The following MATCAP2 variants were observed in gnomAD, a reference collection of about 807,000 sequenced individuals.
The protein encoded by MATCAP2 is microtubule associated tyrosine carboxypeptidase 2, also known as putative tyrosine carboxypeptidase MATCAP2.
At chr7:36,347,691 CA>C in the MATCAP2 span, among the ~76,000 whole-genome samples, 1 of 152,194 alleles carries the variant, frequency 6.6e-6, no homozygotes, top group African/African-American at 2.4e-5. Context: ...TAAGTTTTAA[CA>C]GAAGATCACT....
At chr7:36,343,741 A>T in the MATCAP2 span, among the ~76,000 whole-genome samples, 1 of 151,950 alleles carries the variant, frequency 6.6e-6, no homozygotes, top group South Asian at 2.1e-4. Context: ...AAAGAAGTAT[A>T]AAAAATTATC....
At chr7:36,370,303 G>A in the MATCAP2 span, among the ~76,000 whole-genome samples, 241 of 152,212 alleles carry the variant, frequency 1.6e-3, 1 homozygote, top group Non-Finnish European at 2.5e-3. Flanking sequence ...ATATCCACAA[G>A]AACAATGAAC....
chr7:36,337,117 A>AAAAAAAAAAAAAAAAAAAAAAAAAAC, the MATCAP2 span, among the ~76,000 whole-genome samples: 3 of 146,776 alleles, frequency 2.0e-5, no homozygotes, highest in African/African-American at 2.5e-5. Flanking sequence ...AAAAAAAAAA[A>AAAAAAAAAAAAAAAAAAAAAAAAAAC]AAAAAAAAGC....
the MATCAP2 span, among the ~76,000 whole-genome samples, chr7:36,353,787 TTTATTC>T: frequency 2.6e-5 from 4 of 152,152 alleles, no homozygotes; most frequent in African/African-American, 4.8e-5. Flanking sequence ...AGCCTCCTTG[TTTATTC>T]TTAAAGTATC....
chr7:36,337,441 G>T, the MATCAP2 span, among the ~76,000 whole-genome samples: 1 of 151,976 alleles, frequency 6.6e-6, no homozygotes, highest in East Asian at 1.9e-4. Flanking sequence ...AGGCCTTTTG[G>T]GAAAAAAAGC....
At chr7:36,327,618 A>G in the MATCAP2 span, among the ~76,000 whole-genome samples, 1 of 152,358 alleles carries the variant, frequency 6.6e-6, no homozygotes, top group South Asian at 2.1e-4. Flanking sequence ...ATGACATATT[A>G]TTAAATTAGA....
the MATCAP2 span, among the ~76,000 whole-genome samples, chr7:36,378,003 T>C: frequency 6.6e-6 from 1 of 152,206 alleles, no homozygotes; most frequent in Non-Finnish European, 1.5e-5. Flanking sequence ...GCCATTCGTC[T>C]AATGTTTTTT....
At chr7:36,341,083 C>A in the MATCAP2 span, among the ~76,000 whole-genome samples, 7 of 152,044 alleles carry the variant, frequency 4.6e-5, no homozygotes, top group African/African-American at 1.7e-4. Context: ...GTGCTATGAT[C>A]AGAAGTAAAA....
chr7:36,364,097 T>C, the MATCAP2 span, among the ~76,000 whole-genome samples: 1 of 151,500 alleles, frequency 6.6e-6, no homozygotes, highest in East Asian at 1.9e-4. Flanking sequence ...TCTTCTTTTT[T>C]TTTTTTTTGT....
At chr7:36,327,293 C>T in the MATCAP2 span, among the ~76,000 whole-genome samples, 2 of 152,110 alleles carry the variant, frequency 1.3e-5, no homozygotes, top group African/African-American at 4.8e-5. Flanking sequence ...CGCCCGCCAC[C>T]ACACCTGGCT....
the MATCAP2 span, among the ~76,000 whole-genome samples, chr7:36,337,256 T>C: frequency 6.6e-6 from 1 of 152,108 alleles, no homozygotes; most frequent in Non-Finnish European, 1.5e-5. Context: ...TCATTCTTCA[T>C]AAATTTTTGC....
At chr7:36,388,252 T>C in the MATCAP2 span, among the ~76,000 whole-genome samples, 1 of 151,530 alleles carries the variant, frequency 6.6e-6, no homozygotes, top group Non-Finnish European at 1.5e-5. Context: ...AGGTAGAGGG[T>C]CAGTTTTAAC....
At chr7:36,337,373 G>C in the MATCAP2 span, among the ~76,000 whole-genome samples, 1 of 152,060 alleles carries the variant, frequency 6.6e-6, no homozygotes, top group Admixed American at 6.5e-5. Flanking sequence ...CAAATTATCA[G>C]TATCTATGGG....
At chr7:36,372,802 A>G in the MATCAP2 span, among the ~76,000 whole-genome samples, 5 of 152,248 alleles carry the variant, frequency 3.3e-5, no homozygotes, top group Admixed American at 6.5e-5. Flanking sequence ...GATGGTATGT[A>G]CATACATATG....
At chr7:36,370,221 G>A in the MATCAP2 span, among the ~76,000 whole-genome samples, 10 of 152,248 alleles carry the variant, frequency 6.6e-5, no homozygotes, top group Middle Eastern at 3.4e-3. Context: ...TGCTATGCCT[G>A]CTTAGTGTTT....
At chr7:36,367,470 T>C in the MATCAP2 span, among the ~76,000 whole-genome samples, 1 of 152,140 alleles carries the variant, frequency 6.6e-6, no homozygotes, top group African/African-American at 2.4e-5. Flanking sequence ...TTTGTACCCG[T>C]TCAAAGGTGA....
the MATCAP2 span, among the ~76,000 whole-genome samples, chr7:36,383,232 T>A: frequency 6.6e-6 from 1 of 152,180 alleles, no homozygotes; most frequent in Non-Finnish European, 1.5e-5. Context: ...ATAGATAACA[T>A]CCTTTGATGG....
At chr7:36,332,111 T>C in the MATCAP2 span, among the ~76,000 whole-genome samples, 1 of 151,806 alleles carries the variant, frequency 6.6e-6, no homozygotes, top group Non-Finnish European at 1.5e-5. Context: ...AAATTTTCCA[T>C]AATAAAACAT....
At chr7:36,328,978 G>T in the MATCAP2 span, among the ~76,000 whole-genome samples, 1 of 152,048 alleles carries the variant, frequency 6.6e-6, no homozygotes, top group African/African-American at 2.4e-5. Context: ...AGGAGGCAAA[G>T]GTTGCAGTGA....
Sources: allele counts gnomAD v4.1 joint callset (sites outside exome capture counted in the v4.1 genomes callset), GRCh38; gene constraint gnomAD v4.1.1; transcripts MANE v1.5; gene names NCBI Gene and HGNC (gene_info 2026-07-23, HGNC 2026-07-21).